The following UQCRC1 variants were observed in gnomAD, a reference collection of about 807,000 sequenced individuals.
The protein encoded by UQCRC1 is cytochrome b-c1 complex subunit 1, mitochondrial.
A neutral mutation model predicts 58.0 loss-of-function variants in UQCRC1; 34 were observed. That is an observed-to-expected ratio of 0.59 (90% CI 0.45 to 0.78). The LOEUF (loss-of-function observed/expected upper bound fraction) is 0.78, where lower values mean the gene tolerates loss of function less well. Among genes scored for constraint, UQCRC1 ranks in the 30% least tolerant of loss-of-function variants. UQCRC1 has a pLI of 0.00. For synonymous variants in UQCRC1, 276 were observed against 248.8 expected (o/e 1.11, Z -1.03); for missense variants, 610 against 646.0 (o/e 0.94, Z 0.60).
intron 3 of UQCRC1, among the ~76,000 whole-genome samples, chr3:48,605,097 C>A (rs375122560): frequency 1.1e-4 from 16 of 152,222 alleles, no homozygotes; most frequent in Non-Finnish European, 1.9e-4. Context: ...CACCTCCCCC[C>A]TCCTTATTGA....
At chr3:48,606,202 T>C (rs1389014398) in intron 2 of UQCRC1, among the ~76,000 whole-genome samples, 1 of 152,242 alleles carries the variant, frequency 6.6e-6, no homozygotes, top group Non-Finnish European at 1.5e-5. Flanking sequence ...GCATACAACA[T>C]ATCATTTGCA....
At chr3:48,603,741 A>G in intron 5 of UQCRC1, 98 bp from the exon 6 acceptor site, 2 of 1,146,302 alleles carry the variant, frequency 1.7e-6, no homozygotes, top group South Asian at 2.6e-5. Flanking sequence ...TAGGAGAGGC[A>G]TGGTTTCTCC....
intron 12 of UQCRC1, 82 bp from the exon 13 acceptor site, chr3:48,599,274 G>A: frequency 7.0e-7 from 1 of 1,436,388 alleles, no homozygotes; most frequent in South Asian, 1.3e-5. Flanking sequence ...CCAGCTCGGA[G>A]ATGCTGCCCA....
chr3:48,609,218 G>C lies in UQCRC1; in HGVS notation c.154C>G (p.Leu52Val). 1 of 1,613,072 alleles carries C rather than the reference G, an allele frequency of 6.2e-7. No homozygotes were observed. The highest frequency in any genetic ancestry group is 8.5e-7 in the Non-Finnish European group (1 of 1,179,808). ...GCCACACGCAGGCCGTTGTCCAGCA[G>C]GCTAACCTGCGTCTCCGGCACGAAC... ...LQFVPETQVS[L>V]LDNGLRVASE... Residue 52 changes from leucine (L) to valine (V), a missense_variant, in exon 2 of 13, where the codon CTG becomes GTG. Leu to Val is a conservative substitution (Grantham distance 32, BLOSUM62 1). Coordinates refer to ENST00000203407, the MANE Select transcript of UQCRC1 (RefSeq NM_003365.3).
intron 6 of UQCRC1, among the ~76,000 whole-genome samples, chr3:48,602,675 A>G (rs1169538101): frequency 6.6e-6 from 1 of 151,908 alleles, no homozygotes; most frequent in Non-Finnish European, 1.5e-5. Context: ...GGCAACTGCC[A>G]CCAAGCCTGG....
intron 6 of UQCRC1, among the ~76,000 whole-genome samples, chr3:48,601,973 C>T (rs148063927): frequency 4.6e-5 from 7 of 151,978 alleles, no homozygotes; most frequent in African/African-American, 7.2e-5. Context: ...ATGTTACAAA[C>T]GTATACCCTA....
intron 11 of UQCRC1, 62 bp downstream of exon 11, chr3:48,600,001 C>T: frequency 1.9e-6 from 3 of 1,597,928 alleles, no homozygotes; most frequent in Non-Finnish European, 2.6e-6. Flanking sequence ...GGCCCCAACC[C>T]TACACCTCCC....
intron 12 of UQCRC1, 45 bp from the exon 13 acceptor site, chr3:48,599,237 A>T (rs1183233351): frequency 6.4e-7 from 1 of 1,553,804 alleles, no homozygotes; most frequent in East Asian, 2.3e-5. Context: ...CCTGGCCTGC[A>T]CAGGGACACC....
intron 8 of UQCRC1, 62 bp downstream of exon 8, chr3:48,600,913 C>A: frequency 2.5e-6 from 4 of 1,607,714 alleles, no homozygotes; most frequent in Non-Finnish European, 2.6e-6. Context: ...CGCACAGGAG[C>A]ACACAGCCCC....
chr3:48,600,165 A>G lies in UQCRC1; in HGVS notation c.1214-14T>C, dbSNP rs547224474. 1.7e-4 allele frequency: 277 copies of G among 1,613,726 alleles called. 1 individual carries two copies. The African/African-American group carries it at 3.4e-3, about 20-fold the overall frequency. ...CAGGAGTAGTGCCTTTAAGGGTGAG[A>G]GAAGGCTCAGAGGTCCACCCAGCCC... On this transcript the variant is annotated splice_polypyrimidine_tract_variant and intron_variant, in intron 10 of 12. Transcript: ENST00000203407.
At chr3:48,602,910 C>T (rs1184989590) in intron 6 of UQCRC1, among the ~76,000 whole-genome samples, 1 of 152,132 alleles carries the variant, frequency 6.6e-6, no homozygotes, top group Non-Finnish European at 1.5e-5. Context: ...AGTCCATCTA[C>T]TGCTCCCCCT....
Position 48,609,178 on chromosome 3 carries a change from G to A in UQCRC1, c.194C>T (p.Ser65Phe). ...CCAACTCACCGTGCAAGTGGGCTGA[G>A]AGGACTGCTCGGAGGCCACACGCAG... The part of the protein sequence containing the change: ...NGLRVASEQS[S>F]QPTCTVGVWI... The change falls in exon 2 of 13, where the codon TCT becomes TTT. Residue 65 changes from serine (S) to phenylalanine (F), a missense_variant. Ser to Phe is a radical substitution (Grantham distance 155). Transcript: ENST00000203407. 6.2e-7 allele frequency: 1 copy of A among 1,611,114 alleles called. No homozygotes were observed. Among genetic ancestry groups the A allele is most frequent in the Non-Finnish European group, 8.5e-7 (1 of 1,178,198 alleles).
At chr3:48,607,884 G>A (rs1001714750) in intron 2 of UQCRC1, among the ~76,000 whole-genome samples, 1 of 151,928 alleles carries the variant, frequency 6.6e-6, no homozygotes, top group Non-Finnish European at 1.5e-5. Context: ...GAGTGCAGTG[G>A]CTCCATCTCG....
At chr3:48,602,104 A>G (rs1197259005) in intron 6 of UQCRC1, among the ~76,000 whole-genome samples, 1 of 149,674 alleles carries the variant, frequency 6.7e-6, no homozygotes, top group Non-Finnish European at 1.5e-5. Context: ...AGGCTGGAGC[A>G]CAGTGGTGCA....
intron 8 of UQCRC1, 29 bp downstream of exon 8, chr3:48,600,946 C>A: frequency 6.2e-7 from 1 of 1,601,046 alleles, no homozygotes; most frequent in Middle Eastern, 1.7e-4. Context: ...TCCCTGAAGG[C>A]GAGGTCCCAT....
chr3:48,599,571 G>A, intron 12 of UQCRC1, 64 bp downstream of exon 12: 1 of 1,567,684 alleles, frequency 6.4e-7, no homozygotes, highest in Non-Finnish European at 8.8e-7. Context: ...AGCAGAGGTG[G>A]AAGGGGAGGC....
chr3:48,603,697 G>T, intron 5 of UQCRC1, 54 bp from the exon 6 acceptor site: 1 of 1,544,200 alleles, frequency 6.5e-7, no homozygotes. Context: ...GAGTGAGTTG[G>T]GGTACATGCA....
intron 2 of UQCRC1, 66 bp from the exon 3 acceptor site, chr3:48,605,922 C>A: frequency 2.0e-6 from 3 of 1,496,990 alleles, no homozygotes; most frequent in Non-Finnish European, 1.8e-6. Flanking sequence ...TCACACCCCA[C>A]CTGAGTGACT....
At chr3:48,602,515 G>C (rs2107844571) in intron 6 of UQCRC1, among the ~76,000 whole-genome samples, 1 of 150,478 alleles carries the variant, frequency 6.6e-6, no homozygotes, top group South Asian at 2.1e-4. Context: ...AAGCTGGGAA[G>C]CATGTTTGTT....
Sources: allele counts gnomAD v4.1 joint callset (sites outside exome capture counted in the v4.1 genomes callset), GRCh38; gene constraint gnomAD v4.1.1; transcripts MANE v1.5; gene names NCBI Gene and HGNC (gene_info 2026-07-23, HGNC 2026-07-21).